Variants in USP14 observed in about 807,000 individuals in gnomAD.
USP14 encodes the protein ubiquitin specific peptidase 14, also known as ubiquitin carboxyl-terminal hydrolase 14.
USP14 carries 38 observed loss-of-function variants against 76.5 expected under a neutral mutation model. The ratio of observed to expected loss-of-function variants is 0.50; its 90% CI spans 0.38 to 0.65. The LOEUF is 0.65. USP14 is among the 30% of genes least tolerant of loss of function. The pLI, the probability that USP14 is intolerant of heterozygous loss-of-function variation, is 0.00. For synonymous variants in USP14, 192 were observed against 191.7 expected (o/e 1.00, Z -0.01); for missense variants, 467 against 586.5 (o/e 0.80, Z 2.10).
chr18:208,583 A>G (rs1020361932), intron 13 of USP14, among the ~76,000 whole-genome samples: 4 of 151,514 alleles, frequency 2.6e-5, no homozygotes, highest in African/African-American at 4.9e-5. Flanking sequence ...TGGTATTTTT[A>G]TTTTCATTCT....
chr18:172,771 CAT>C (rs1451091163), intron 3 of USP14, among the ~76,000 whole-genome samples: 1 of 152,006 alleles, frequency 6.6e-6, no homozygotes, highest in Non-Finnish European at 1.5e-5. Flanking sequence ...CCTTTTTAGA[CAT>C]AATGCTGTTG....
At chr18:173,325 A>C (rs1031909001) in intron 3 of USP14, among the ~76,000 whole-genome samples, 4 of 150,946 alleles carry the variant, frequency 2.6e-5, no homozygotes, top group Admixed American at 2.6e-4. Flanking sequence ...GTTAGCCAGG[A>C]TGGTCTCTAT....
intron 6 of USP14, among the ~76,000 whole-genome samples, chr18:196,366 T>TA (rs914154155): frequency 6.7e-6 from 1 of 148,802 alleles, no homozygotes; most frequent in African/African-American, 2.5e-5. Flanking sequence ...AAAAAAAAAA[T>TA]ACAAAAAATT....
At chr18:171,025 A>ATATATATATATATATATATATATATATAT (rs1555762344) in intron 3 of USP14, among the ~76,000 whole-genome samples, 3 of 47,648 alleles carry the variant, frequency 6.3e-5, no homozygotes, top group African/African-American at 1.7e-4. Flanking sequence ...AAAAAAAAAA[A>ATATATATATATATATATATATATATATAT]ATATATATAT....
rs116066120 is a variant in USP14, at chr18:181,612, T to C, written c.404+1273T>C. On this transcript the variant is annotated intron_variant, in intron 5 of 15. Coordinates refer to ENST00000261601, the MANE Select transcript of USP14 (RefSeq NM_005151.4). ...TTTGCAAATCTTTTCTTCTATACTA[T>C]AAGCTGTCATTTTACTTTCTTTTTT... Among the ~76,000 whole-genome samples the C allele has an allele frequency of 1.4e-3, 216 of 152,354 alleles. 3 individuals are homozygous for C. The highest frequency in any genetic ancestry group is 5.1e-3 in the African/African-American group (211 of 41,604).
intron 13 of USP14, among the ~76,000 whole-genome samples, chr18:208,934 C>T (rs540620812): frequency 3.9e-5 from 6 of 152,256 alleles, no homozygotes; most frequent in Admixed American, 1.3e-4. Flanking sequence ...TTATTAGACA[C>T]AGGGTTTCAT....
chr18:158,883 G>C, intron 1 of USP14, 169 bp downstream of exon 1: 1 of 1,115,436 alleles, frequency 9.0e-7, no homozygotes, highest in African/African-American at 1.6e-5. Flanking sequence ...TCCCGGCTGG[G>C]TCGGAGCCCT....
At chr18:166,955 A>G in intron 3 of USP14, 136 bp downstream of exon 3, 1 of 728,918 alleles carries the variant, frequency 1.4e-6, no homozygotes. Flanking sequence ...ACCTTTTCCC[A>G]TTGACTTGTG....
intron 5 of USP14, among the ~76,000 whole-genome samples, chr18:187,665 G>C (rs975931127): frequency 1.1e-4 from 16 of 152,060 alleles, no homozygotes; most frequent in Admixed American, 1.0e-3. Flanking sequence ...TGTAATGTTA[G>C]ATGAATTTTC....
Position 196,748 on chromosome 18 carries a change from A to G in USP14, c.575A>G (p.Gln192Arg), listed in dbSNP as rs902328409. 3.1e-6 allele frequency: 5 copies of G among 1,614,088 alleles called. No homozygotes were observed. Among genetic ancestry groups the G allele is most frequent in the Admixed American group, 1.7e-5 (1 of 60,016 alleles). ...CCACAGTTTGCCGAGAAAGGTGAAC[A>G]AGGACAGTATCTTCAACAGGTAATT... ...AFPQFAEKGEQGQYLQQDANE... is the reference protein window; with the variant it reads ...AFPQFAEKGERGQYLQQDANE... The change falls in exon 7 of 16, where the codon CAA (glutamine) becomes CGA (arginine). Residue 192 changes from glutamine to arginine, a missense_variant. By Grantham distance (43) the Gln-to-Arg change is conservative. Coordinates refer to ENST00000261601, the MANE Select transcript of USP14 (RefSeq NM_005151.4).
intron 3 of USP14, among the ~76,000 whole-genome samples, chr18:171,009 T>TAAAAA (rs145131497): frequency 1.1e-4 from 10 of 91,724 alleles, no homozygotes; most frequent in African/African-American, 3.3e-4. Context: ...CCCTGGAACT[T>TAAAAA]AAAAAAAAAA....
intron 2 of USP14, 142 bp downstream of exon 2, chr18:163,595 C>G (rs988338474): frequency 1.1e-6 from 1 of 897,888 alleles, no homozygotes; most frequent in Non-Finnish European, 1.6e-6. Context: ...GGTGTTAAAA[C>G]TGTCTTATGC....
At chr18:170,535 A>T (rs1450984257) in intron 3 of USP14, among the ~76,000 whole-genome samples, 3 of 152,196 alleles carry the variant, frequency 2.0e-5, no homozygotes, top group African/African-American at 7.2e-5. Context: ...AATTTAAAAG[A>T]TAAGTTCTTG....
At chr18:202,764 C>CTG (rs1356351876) in intron 10 of USP14, 116 bp from the exon 11 acceptor site, 1 of 880,564 alleles carries the variant, frequency 1.1e-6, no homozygotes, top group African/African-American at 1.7e-5. Context: ...CATTGATGTA[C>CTG]TGTATATTGC....
intron 2 of USP14, among the ~76,000 whole-genome samples, chr18:164,531 G>C (rs1193274334): frequency 6.6e-6 from 1 of 151,788 alleles, no homozygotes; most frequent in Non-Finnish European, 1.5e-5. Context: ...TTGGCTCACT[G>C]CAACCTCCGC....
intron 3 of USP14, among the ~76,000 whole-genome samples, chr18:176,268 A>G (rs961597542): frequency 2.0e-5 from 3 of 151,926 alleles, no homozygotes; most frequent in Non-Finnish European, 4.4e-5. Context: ...AAATTTTTAT[A>G]TAATCATATT....
At chr18:201,062 A>C (rs1419825202) in intron 10 of USP14, among the ~76,000 whole-genome samples, 1 of 152,148 alleles carries the variant, frequency 6.6e-6, no homozygotes, top group African/African-American at 2.4e-5. Context: ...CGGCCTCCCA[A>C]AGTGCTGGGA....
chr18:195,901 G>A (rs1165879990), intron 6 of USP14, among the ~76,000 whole-genome samples: 1 of 152,170 alleles, frequency 6.6e-6, no homozygotes, highest in Non-Finnish European at 1.5e-5. Context: ...GAAAGAGAGA[G>A]GGAGGGCTCA....
rs538155342 is a variant in USP14, at chr18:189,995, A to AT, written c.405-2843dup. On this transcript the variant is annotated intron_variant, in intron 5 of 15. Coordinates refer to ENST00000261601, the MANE Select transcript of USP14 (RefSeq NM_005151.4). The stretch of plus-strand genomic sequence containing the variant: ...TCCTGACTTCTAATCTCATAGATCA[A>AT]TTTTACCAGTTTTGAACTCTATGAA... 3.6e-3 allele frequency among the ~76,000 whole-genome samples: 547 copies of AT among 152,242 alleles called. 1 individual carries two copies. The highest frequency in any genetic ancestry group is 0.012 in the African/African-American group (510 of 41,550).
Sources: gnomAD v4.1 joint callset for allele counts (sites outside exome capture counted in the v4.1 genomes callset) on GRCh38, gnomAD v4.1.1 for gene constraint, MANE v1.5 for transcripts, NCBI Gene and HGNC (gene_info 2026-07-23, HGNC 2026-07-21) for gene names.